The following RAPGEF6 variants were observed in gnomAD, a reference collection of about 807,000 sequenced individuals.
RAPGEF6 encodes the protein Rap guanine nucleotide exchange factor 6.
In RAPGEF6, 56 loss-of-function variants were observed where a neutral mutation model predicts 171.4. That is an observed-to-expected ratio of 0.33 (90% CI 0.26 to 0.41). RAPGEF6 has a LOEUF of 0.41. Among genes scored for constraint, RAPGEF6 ranks in the 10% least tolerant of loss-of-function variants. RAPGEF6 has a pLI of 1.00. For synonymous variants in RAPGEF6, 692 were observed against 650.1 expected, an observed-to-expected ratio of 1.06 and a Z score of -0.98; for missense variants, 1,674 against 1,921.4, an observed-to-expected ratio of 0.87 and a Z score of 2.41.
intron 19 of RAPGEF6, among the ~76,000 whole-genome samples, chr5:131,457,978 A>C (rs1003833543): frequency 6.6e-6 from 1 of 152,252 alleles, no homozygotes; most frequent in Non-Finnish European, 1.5e-5. Context: ...GCAGTAAGGT[A>C]CTAGGTACAA....
Position 131,435,820 on chromosome 5 carries a change from C to A in RAPGEF6, c.3746-2162G>T. 1.4e-6 allele frequency: 2 copies of A among 1,397,816 alleles called. 1 individual carries two copies. Among genetic ancestry groups the A allele is most frequent in the South Asian group, 3.2e-5 (2 of 63,278 alleles). 86.6% of individuals were successfully genotyped at this position (1,397,816 alleles called of 1,614,324 possible). ...TAAAATAACTTATGTACAAATGAGG[C>A]ATTTTCAAGTGTTTATAAATAGTAT... On this transcript the variant is annotated intron_variant, in intron 24 of 27. Coordinates refer to ENST00000509018, the MANE Select transcript of RAPGEF6 (RefSeq NM_016340.6).
intron 17 of RAPGEF6, among the ~76,000 whole-genome samples, chr5:131,471,848 T>C (rs1287791687): frequency 6.6e-6 from 1 of 152,152 alleles, no homozygotes; most frequent in Admixed American, 6.5e-5. Context: ...CAGCTTCAAG[T>C]GTCTGAGGAA....
intron 14 of RAPGEF6, among the ~76,000 whole-genome samples, chr5:131,490,469 GATCT>G (rs1756207615): frequency 1.3e-5 from 2 of 151,980 alleles, no homozygotes; most frequent in South Asian, 4.1e-4. Flanking sequence ...AATAAAAAGA[GATCT>G]ATTTTTAAAA....
chr5:131,531,717 A>G (rs1759386659), intron 6 of RAPGEF6, among the ~76,000 whole-genome samples: 1 of 152,212 alleles, frequency 6.6e-6, no homozygotes, highest in Non-Finnish European at 1.5e-5. Flanking sequence ...ACAGCATCAT[A>G]TTAATGAAAA....
At chr5:131,562,502 T>C (rs1474332484) in intron 4 of RAPGEF6, among the ~76,000 whole-genome samples, 2 of 152,184 alleles carry the variant, frequency 1.3e-5, no homozygotes, top group Non-Finnish European at 2.9e-5. Flanking sequence ...TTAAAAAATA[T>C]TCACACTTGA....
intron 26 of RAPGEF6, among the ~76,000 whole-genome samples, chr5:131,430,525 G>A (rs915184272): frequency 2.0e-5 from 3 of 152,168 alleles, no homozygotes; most frequent in African/African-American, 7.2e-5. Context: ...TTTATGAGGT[G>A]ATAAAGAGAA....
intron 19 of RAPGEF6, among the ~76,000 whole-genome samples, chr5:131,459,481 C>A (rs530107368): frequency 6.8e-4 from 104 of 152,220 alleles, no homozygotes; most frequent in African/African-American, 2.3e-3. Flanking sequence ...CTAGGCAATT[C>A]TTTGTTCTTA....
chr5:131,496,279 A>T (rs572249706), intron 12 of RAPGEF6, among the ~76,000 whole-genome samples: 11 of 152,374 alleles, frequency 7.2e-5, no homozygotes, highest in Admixed American at 2.0e-4. Flanking sequence ...GCTTCAGAAA[A>T]GTTAAAAATT....
At chr5:131,604,777 A>C (rs1030989073) in intron 1 of RAPGEF6, 84 bp from the exon 2 acceptor site, 90 of 1,448,286 alleles carry the variant, frequency 6.2e-5, no homozygotes, top group Non-Finnish European at 8.0e-5. Flanking sequence ...GATTTTAAGC[A>C]AACAACCACT....
chr5:131,519,933 T>A lies in RAPGEF6; in HGVS notation c.627+1457A>T, dbSNP rs374998619. The stretch of plus-strand genomic sequence containing the variant: ...ACTAAGTGGTGCCAGAGCTATTGTA[T>A]TAACTTGTTTCATCTCTCTTTTAAT... On this transcript the variant is annotated intron_variant, in intron 7 of 27. Coordinates refer to ENST00000509018, the MANE Select transcript of RAPGEF6 (RefSeq NM_016340.6). Among the ~76,000 whole-genome samples, 39 of 152,326 alleles carry A rather than the reference T, an allele frequency of 2.6e-4. No homozygotes were observed. In the East Asian group the frequency reaches 5.4e-3, roughly 21 times the overall value.
intron 20 of RAPGEF6, among the ~76,000 whole-genome samples, chr5:131,454,783 G>A (rs1014450476): frequency 2.0e-5 from 3 of 152,068 alleles, no homozygotes; most frequent in African/African-American, 7.2e-5. Flanking sequence ...CCCACACTTA[G>A]TCATATTAAG....
chr5:131,530,562 T>C lies in RAPGEF6; in HGVS notation c.496-9041A>G, dbSNP rs529689682. Among the ~76,000 whole-genome samples, 16 of 152,322 alleles carry C rather than the reference T, an allele frequency of 1.1e-4. No homozygotes were observed. The East Asian group carries it at 2.7e-3, about 26-fold the overall frequency. ...AAAATTCTAAGTTTTATGTGTTTAA[T>C]TGCAATCCAGAGTCAAAATTTCATC... On this transcript the variant is annotated intron_variant, in intron 6 of 27. Coordinates refer to ENST00000509018, the MANE Select transcript of RAPGEF6 (RefSeq NM_016340.6).
chr5:131,523,718 C>T (rs1472242909), intron 6 of RAPGEF6, among the ~76,000 whole-genome samples: 1 of 151,936 alleles, frequency 6.6e-6, no homozygotes, highest in African/African-American at 2.4e-5. Context: ...AAGATGATAG[C>T]TAAGCATTTT....
At chr5:131,523,279 CTTTTTTTTTTTTTTT>C (rs1171953953) in intron 6 of RAPGEF6, among the ~76,000 whole-genome samples, 6 of 66,648 alleles carry the variant, frequency 9.0e-5, no homozygotes, top group African/African-American at 1.4e-4. Flanking sequence ...CTGTTGTATG[CTTTTTTTTTTTTTTT>C]TTTTTTTTTT....
At chr5:131,487,806 G>A (rs1203045116) in intron 15 of RAPGEF6, among the ~76,000 whole-genome samples, 1 of 152,128 alleles carries the variant, frequency 6.6e-6, no homozygotes, top group Non-Finnish European at 1.5e-5. Flanking sequence ...TTTGATACAG[G>A]ACAACCTAAC....
intron 6 of RAPGEF6, among the ~76,000 whole-genome samples, chr5:131,545,343 C>T (rs898586264): frequency 6.6e-6 from 1 of 151,772 alleles, no homozygotes; most frequent in African/African-American, 2.4e-5. Context: ...CAACAGTTAA[C>T]ATCTTTAATT....
At chr5:131,514,595 C>G (rs1230873555) in intron 7 of RAPGEF6, among the ~76,000 whole-genome samples, 1 of 151,276 alleles carries the variant, frequency 6.6e-6, no homozygotes, top group African/African-American at 2.4e-5. Context: ...CAAATAAGTT[C>G]AAGAATTTAG....
chr5:131,573,168 T>C (rs1269120593), intron 4 of RAPGEF6, among the ~76,000 whole-genome samples: 4 of 151,974 alleles, frequency 2.6e-5, no homozygotes, highest in African/African-American at 9.7e-5. Context: ...CTGAATCAGG[T>C]CCCAATTCTT....
At chr5:131,627,320 A>G (rs889390661) in intron 1 of RAPGEF6, among the ~76,000 whole-genome samples, 5 of 152,220 alleles carry the variant, frequency 3.3e-5, no homozygotes, top group Admixed American at 6.5e-5. Context: ...GCATTAGCCT[A>G]TAACAACTAA....
Sources: gnomAD v4.1 joint callset for allele counts (sites outside exome capture counted in the v4.1 genomes callset) on GRCh38, gnomAD v4.1.1 for gene constraint, MANE v1.5 for transcripts, NCBI Gene and HGNC (gene_info 2026-07-23, HGNC 2026-07-21) for gene names.